Variants in FAM178B observed in about 807,000 individuals in gnomAD.
The protein encoded by FAM178B is family with sequence similarity 178 member B.
FAM178B carries 82 observed loss-of-function variants against 91.7 expected under a neutral mutation model. The ratio of observed to expected loss-of-function variants is 0.89; its 90% CI spans 0.75 to 1.07. The LOEUF (loss-of-function observed/expected upper bound fraction) is 1.07, where lower values mean the gene tolerates loss of function less well. Among genes scored for constraint, FAM178B ranks in the 50% least tolerant of loss-of-function variants. The probability of loss-of-function intolerance (pLI) is 0.00; values close to 1 mark genes in which losing one functional copy is unlikely to be tolerated. For synonymous variants in FAM178B, 368 were observed against 359.4 expected, an observed-to-expected ratio of 1.02 and a Z score of -0.27; for missense variants, 769 against 846.7, an observed-to-expected ratio of 0.91 and a Z score of 1.14.
chr2:96,959,574 A>C (rs1417824126), intron 6 of FAM178B, among the ~76,000 whole-genome samples: 2 of 152,156 alleles, frequency 1.3e-5, no homozygotes, highest in African/African-American at 4.8e-5. Flanking sequence ...CAGGTGGGCA[A>C]GGACAGCCCC....
chr2:96,888,806 C>G (rs1002695342), intron 14 of FAM178B, among the ~76,000 whole-genome samples: 1 of 152,232 alleles, frequency 6.6e-6, no homozygotes, highest in Non-Finnish European at 1.5e-5. Flanking sequence ...CAGAGCTACT[C>G]AGAATGAGCA....
intron 1 of FAM178B, among the ~76,000 whole-genome samples, chr2:96,978,950 T>C (rs753517936): frequency 6.9e-6 from 1 of 144,442 alleles, no homozygotes; most frequent in Non-Finnish European, 1.5e-5. Context: ...TATGGCTGCA[T>C]AGTATTCTAT....
At chr2:96,953,271 A>G (rs973881439) in intron 6 of FAM178B, among the ~76,000 whole-genome samples, 1 of 152,238 alleles carries the variant, frequency 6.6e-6, no homozygotes, top group Non-Finnish European at 1.5e-5. Flanking sequence ...GCATGGTTCA[A>G]GAACATGCAC....
At chr2:96,974,707 A>G (rs2082267049) in intron 1 of FAM178B, among the ~76,000 whole-genome samples, 2 of 152,192 alleles carry the variant, frequency 1.3e-5, no homozygotes, top group African/African-American at 4.8e-5. Flanking sequence ...TCGGGTAGTT[A>G]CACTAATAAC....
At chr2:96,966,663 C>T (rs1312618451) in intron 5 of FAM178B, among the ~76,000 whole-genome samples, 1 of 152,030 alleles carries the variant, frequency 6.6e-6, no homozygotes, top group Non-Finnish European at 1.5e-5. Flanking sequence ...ATGTTTGTGT[C>T]CCCCCAAAAT....
Position 96,970,783 on chromosome 2 carries a change from G to A in FAM178B, c.565-6C>T, listed in dbSNP as rs1457059699. The A allele has an allele frequency of 3.2e-6, 5 of 1,549,048 alleles. No individual in the cohort carries two copies. Among genetic ancestry groups the A allele is most frequent in the Non-Finnish European group, 4.4e-6 (5 of 1,144,786 alleles). On this transcript the variant is annotated splice_region_variant and splice_polypyrimidine_tract_variant and intron_variant, in intron 3 of 16. Coordinates refer to ENST00000490605, the MANE Select transcript of FAM178B (RefSeq NM_001122646.3). ...CCTGAGCCCCCCCAGGAAAACTGGA[G>A]AAACAGGACATGGGAATGAGGACGA... is the stretch of plus-strand genomic sequence containing the variant.
intron 5 of FAM178B, among the ~76,000 whole-genome samples, chr2:96,962,571 ATT>A (rs1300666348): frequency 3.3e-5 from 5 of 152,206 alleles, no homozygotes; most frequent in Admixed American, 2.0e-4. Flanking sequence ...TATGTGCATT[ATT>A]AAGAGTCCTG....
chr2:96,887,591 G>C (rs148063108), intron 14 of FAM178B, among the ~76,000 whole-genome samples: 1 of 152,230 alleles, frequency 6.6e-6, no homozygotes, highest in East Asian at 1.9e-4. Context: ...GTTTCTGGGA[G>C]AGCATCACTG....
At chr2:96,934,050 C>T (rs950842707) in intron 8 of FAM178B, among the ~76,000 whole-genome samples, 13 of 152,214 alleles carry the variant, frequency 8.5e-5, no homozygotes, top group East Asian at 1.9e-4. Flanking sequence ...TCATTTCAAC[C>T]GTGCATTCAC....
chr2:96,911,133 C>G (rs945341440), intron 12 of FAM178B, among the ~76,000 whole-genome samples: 5 of 152,082 alleles, frequency 3.3e-5, no homozygotes, highest in Non-Finnish European at 7.4e-5. Context: ...CAGAAGCAGA[C>G]AAAGCACGAG....
chr2:96,970,628 A>G, intron 4 of FAM178B, 88 bp downstream of exon 4: 1 of 1,040,360 alleles, frequency 9.6e-7, no homozygotes, highest in Non-Finnish European at 1.5e-6. Flanking sequence ...AGGCCGCTGT[A>G]CTCCGACCAG....
At chr2:96,973,448 T>G (rs2082250208) in intron 1 of FAM178B, among the ~76,000 whole-genome samples, 1 of 152,136 alleles carries the variant, frequency 6.6e-6, no homozygotes, top group South Asian at 2.1e-4. Context: ...GCCCTGGGGC[T>G]GGCCCAACAA....
chr2:96,921,778 G>A, intron 10 of FAM178B, 124 bp from the exon 11 acceptor site: 1 of 972,514 alleles, frequency 1.0e-6, no homozygotes, highest in Non-Finnish European at 1.5e-6. Flanking sequence ...CGGCCATGTT[G>A]GGTAGGAGCT....
chr2:96,879,290 G>C (rs766073658), intron 14 of FAM178B, among the ~76,000 whole-genome samples: 2 of 152,196 alleles, frequency 1.3e-5, no homozygotes, highest in Non-Finnish European at 2.9e-5. Flanking sequence ...AGGATCAGGA[G>C]GTGGCAGATG....
chr2:96,938,515 C>T (rs368407740), intron 8 of FAM178B, among the ~76,000 whole-genome samples: 7 of 152,050 alleles, frequency 4.6e-5, no homozygotes, highest in African/African-American at 1.7e-4. Flanking sequence ...TTCTCTGGTA[C>T]ACCCAGCTCC....
At chr2:96,913,686 G>A (rs1288057803) in intron 12 of FAM178B, among the ~76,000 whole-genome samples, 5 of 152,190 alleles carry the variant, frequency 3.3e-5, no homozygotes, top group Non-Finnish European at 7.3e-5. Flanking sequence ...AACCTGCTTG[G>A]CTGGCTGCTC....
rs552539716 is a variant in FAM178B at position 96,931,075 on chromosome 2, G to A, written c.1079-1755C>T. 2.0e-5 allele frequency among the ~76,000 whole-genome samples: 3 copies of A among 152,328 alleles called. No individual in the cohort carries two copies. The South Asian group carries it at 6.2e-4, about 32-fold the overall frequency. On this transcript the variant is annotated intron_variant, in intron 8 of 16. Transcript: ENST00000490605. ...CATCTCAAATGGACCAAAACAGGGA[G>A]ACTGAAAACAAGTCATAAGATGGGC...
chr2:96,963,723 A>C (rs1178914972), intron 5 of FAM178B, among the ~76,000 whole-genome samples: 2 of 152,252 alleles, frequency 1.3e-5, no homozygotes, highest in African/African-American at 4.8e-5. Context: ...ACAAGGGCTC[A>C]CTGCAGCACA....
At chr2:96,902,761 A>G in intron 12 of FAM178B, 54 bp from the exon 13 acceptor site, 2 of 1,348,448 alleles carry the variant, frequency 1.5e-6, no homozygotes, top group Admixed American at 3.9e-5. Flanking sequence ...GGGGAGCCCG[A>G]GCAGGGGGCA....
Sources: gnomAD v4.1 joint callset for allele counts (sites outside exome capture counted in the v4.1 genomes callset) on GRCh38, gnomAD v4.1.1 for gene constraint, MANE v1.5 for transcripts, NCBI Gene and HGNC (gene_info 2026-07-23, HGNC 2026-07-21) for gene names.